KDM4C: variants seen among roughly 807,000 people sequenced by gnomAD.
KDM4C encodes the protein lysine demethylase 4C, also known as lysine-specific demethylase 4C.
A neutral mutation model predicts 129.3 loss-of-function variants in KDM4C; 81 were observed. The ratio of observed to expected loss-of-function variants is 0.63; its 90% confidence interval spans 0.52 to 0.75. KDM4C has a LOEUF of 0.75. KDM4C is among the 30% of genes least tolerant of loss of function. The probability of loss-of-function intolerance (pLI) is 0.00; values close to 1 mark genes in which losing one functional copy is unlikely to be tolerated. For synonymous variants in KDM4C, 573 were observed against 456.1 expected (o/e 1.26, Z -3.26); for missense variants, 1,457 against 1,304.0 (o/e 1.12, Z -1.81).
intron 1 of KDM4C, among the ~76,000 whole-genome samples, chr9:6,772,390 T>C (rs1822043377): frequency 6.9e-6 from 1 of 145,324 alleles, no homozygotes; most frequent in Admixed American, 6.8e-5. Flanking sequence ...AGACGGCGTC[T>C]TGCTCTTGTT....
At chr9:6,797,633 A>G (rs1259324008) in intron 2 of KDM4C, among the ~76,000 whole-genome samples, 3 of 152,188 alleles carry the variant, frequency 2.0e-5, no homozygotes, top group Non-Finnish European at 4.4e-5. Flanking sequence ...CTGAACATAG[A>G]TTGTCCTGGA....
intron 18 of KDM4C, among the ~76,000 whole-genome samples, chr9:7,117,383 C>G (rs372165963): frequency 1.8e-4 from 28 of 151,954 alleles, no homozygotes; most frequent in Admixed American, 1.8e-3. Flanking sequence ...AGTCAGAAAT[C>G]GTTATAGGCA....
At position 7,013,178 on chromosome 9, in the gene KDM4C, A is replaced by C. The variant is rs181189326; in HGVS notation, c.1969-610A>C. ...TTAATATAAAGTAATACAGTATAAA[A>C]CATAAAGTAATATAAAATCTGTAAG... On this transcript the variant is annotated intron_variant, in intron 13 of 21. Transcript: ENST00000381309. 3.8e-3 allele frequency among the ~76,000 whole-genome samples: 573 copies of C among 152,332 alleles called. 2 individuals carry two copies. Among genetic ancestry groups the C allele is most frequent in the Middle Eastern group, 0.01 (3 of 294 alleles).
At chr9:6,869,536 G>C (rs747738778) in intron 5 of KDM4C, among the ~76,000 whole-genome samples, 8 of 152,218 alleles carry the variant, frequency 5.3e-5, no homozygotes, top group Non-Finnish European at 1.2e-4. Context: ...TGCTCACAGT[G>C]GGGGAGGCAG....
At chr9:6,991,078 C>T (rs555646545) in intron 12 of KDM4C, among the ~76,000 whole-genome samples, 1 of 151,956 alleles carries the variant, frequency 6.6e-6, no homozygotes, top group East Asian at 1.9e-4. Context: ...TCTTTTTCCC[C>T]CTTTTGTTCT....
chr9:7,124,424 A>G (rs993209100), intron 18 of KDM4C, among the ~76,000 whole-genome samples: 10 of 152,096 alleles, frequency 6.6e-5, no homozygotes, highest in African/African-American at 2.2e-4. Context: ...GTGGCCACAC[A>G]GGTTGTGAAT....
intron 8 of KDM4C, among the ~76,000 whole-genome samples, chr9:6,947,367 T>A (rs1827160589): frequency 6.6e-6 from 1 of 152,164 alleles, no homozygotes; most frequent in Non-Finnish European, 1.5e-5. Flanking sequence ...AATTCTTTCC[T>A]TTTTGTCCTT....
At chr9:6,879,578 TAGAA>T (rs1445686072) in intron 5 of KDM4C, among the ~76,000 whole-genome samples, 1 of 152,192 alleles carries the variant, frequency 6.6e-6, no homozygotes. Flanking sequence ...TTTTAAAATT[TAGAA>T]AGAGAGCAAC....
At chr9:7,028,395 C>G (rs886372745) in intron 15 of KDM4C, among the ~76,000 whole-genome samples, 4 of 151,792 alleles carry the variant, frequency 2.6e-5, no homozygotes, top group Admixed American at 2.0e-4. Flanking sequence ...GAGCTAGGCC[C>G]TGCAATGGAG....
intron 8 of KDM4C, among the ~76,000 whole-genome samples, chr9:6,936,527 T>C (rs551692106): frequency 6.6e-6 from 1 of 152,364 alleles, no homozygotes; most frequent in African/African-American, 2.4e-5. Flanking sequence ...TAGGTAATAC[T>C]ATTTTAAGAT....
At chr9:6,763,317 T>G (rs1819950489) in intron 1 of KDM4C, among the ~76,000 whole-genome samples, 2 of 152,294 alleles carry the variant, frequency 1.3e-5, no homozygotes, top group African/African-American at 4.8e-5. Flanking sequence ...GTGCCTGGAC[T>G]GCTACCCCAG....
chr9:7,144,648 G>T (rs1397061679), intron 19 of KDM4C, among the ~76,000 whole-genome samples: 2 of 152,314 alleles, frequency 1.3e-5, no homozygotes, highest in East Asian at 3.9e-4. Context: ...CCACTCATCC[G>T]CATATACATT....
chr9:6,900,111 G>T (rs1817134980), intron 8 of KDM4C, among the ~76,000 whole-genome samples: 1 of 152,104 alleles, frequency 6.6e-6, no homozygotes, highest in Non-Finnish European at 1.5e-5. Flanking sequence ...TATTTTTCTT[G>T]ATCAGTGATG....
chr9:6,723,147 G>C (rs1817011993), intron 1 of KDM4C, among the ~76,000 whole-genome samples: 1 of 152,140 alleles, frequency 6.6e-6, no homozygotes, highest in Non-Finnish European at 1.5e-5. Flanking sequence ...GCCGAGGTGA[G>C]TGGATCTCCT....
chr9:6,981,632 C>G (rs918749068), intron 9 of KDM4C, among the ~76,000 whole-genome samples: 3 of 152,116 alleles, frequency 2.0e-5, no homozygotes, highest in Admixed American at 6.5e-5. Flanking sequence ...ACATGCTTAT[C>G]CTTGTGAACT....
intron 15 of KDM4C, among the ~76,000 whole-genome samples, chr9:7,029,797 A>C (rs980462419): frequency 6.6e-6 from 1 of 152,230 alleles, no homozygotes; most frequent in East Asian, 1.9e-4. Flanking sequence ...ATGTAACATC[A>C]TAGAAAGTCA....
chr9:6,823,577 A>G (rs1250273074), intron 4 of KDM4C, among the ~76,000 whole-genome samples: 1 of 152,100 alleles, frequency 6.6e-6, no homozygotes, highest in East Asian at 1.9e-4. Flanking sequence ...TTGCTTTGAA[A>G]CTTAGCTCCT....
At chr9:6,775,546 G>T (rs1211681931) in intron 1 of KDM4C, among the ~76,000 whole-genome samples, 7 of 151,566 alleles carry the variant, frequency 4.6e-5, no homozygotes. Context: ...TTTTGAGATG[G>T]AGTTTCGTTC....
intron 8 of KDM4C, among the ~76,000 whole-genome samples, chr9:6,960,282 ATTTTTTT>A (rs34061929): frequency 2.1e-5 from 3 of 143,230 alleles, no homozygotes; most frequent in African/African-American, 7.7e-5. Flanking sequence ...AATGTTTTTA[ATTTTTTT>A]TTTTTTTTTT....
Sources: gnomAD v4.1 joint callset for allele counts (sites outside exome capture counted in the v4.1 genomes callset) on GRCh38, gnomAD v4.1.1 for gene constraint, MANE v1.5 for transcripts, NCBI Gene and HGNC (gene_info 2026-07-23, HGNC 2026-07-21) for gene names.